TF: variants seen among roughly 807,000 people sequenced by gnomAD.
The protein encoded by TF is transferrin.
TF carries 55 observed loss-of-function variants against 82.4 expected under a neutral mutation model. The ratio of observed to expected loss-of-function variants is 0.67; its 90% confidence interval spans 0.54 to 0.84. The LOEUF (loss-of-function observed/expected upper bound fraction) is 0.84. TF is among the 40% of genes least tolerant of loss of function. TF has a pLI of 0.00. For missense variants in TF, 737 were observed against 868.4 expected (o/e 0.85, Z 1.90); for synonymous variants, 332 against 332.6 (o/e 1.00, Z 0.02).
the TF span, among the ~76,000 whole-genome samples, chr3:133,698,259 G>A: frequency 6.6e-6 from 1 of 152,284 alleles, no homozygotes; most frequent in Non-Finnish European, 1.5e-5. Context: ...TTCTGTTGTT[G>A]CTTTATTTGT....
the TF span, among the ~76,000 whole-genome samples, chr3:133,692,242 G>A: frequency 2.6e-5 from 4 of 152,218 alleles, no homozygotes; most frequent in Non-Finnish European, 4.4e-5. Context: ...AGGTTTGGGG[G>A]AGTCTAAGAA....
the TF span, among the ~76,000 whole-genome samples, chr3:133,685,499 C>G: frequency 6.6e-6 from 1 of 152,182 alleles, no homozygotes; most frequent in African/African-American, 2.4e-5. Context: ...GCAACTTCAG[C>G]AAAGTCTCAG....
rs1440991903 is a variant in TF, at chr3:133,784,259, T to C, written c.*5639T>C. On this transcript the variant is annotated 3_prime_UTR_variant, in exon 17 of 17. Coordinates refer to ENST00000402696, the MANE Select transcript of TF (RefSeq NM_001063.4). Reference sequence around the variant, plus strand: ...GAAGTGTAAGAATAACTTGCGCCATTAGGCCCATCGGAAAGGCCCACCACC... The same window carrying C: ...GAAGTGTAAGAATAACTTGCGCCATCAGGCCCATCGGAAAGGCCCACCACC... 1 of 152,134 alleles carries C rather than the reference T, an allele frequency of 6.6e-6. No individual in the cohort carries two copies. Among genetic ancestry groups the C allele is most frequent in the African/African-American group, 2.4e-5 (1 of 41,412 alleles). 9.4% of individuals were successfully genotyped at this position (152,134 alleles called of 1,614,324 possible).
chr3:133,703,208 A>G, the TF span, among the ~76,000 whole-genome samples: 2 of 152,196 alleles, frequency 1.3e-5, no homozygotes, highest in Admixed American at 1.3e-4. Context: ...AATGGTAACT[A>G]ATTTTTCTGG....
chr3:133,770,744 A>G, intron 14 of TF, 172 bp downstream of exon 14: 2 of 808,158 alleles, frequency 2.5e-6, no homozygotes, highest in East Asian at 5.3e-5. Context: ...AGTGCGCAGA[A>G]TGATCAGGAT....
At chr3:133,721,221 G>A in the TF span, among the ~76,000 whole-genome samples, 20 of 152,210 alleles carry the variant, frequency 1.3e-4, no homozygotes, top group Non-Finnish European at 1.5e-5. Context: ...TGATGTAGAT[G>A]TTTATTGCTA....
chr3:133,695,785 C>T, the TF span, among the ~76,000 whole-genome samples: 1 of 152,132 alleles, frequency 6.6e-6, no homozygotes, highest in Non-Finnish European at 1.5e-5. Flanking sequence ...GGGGCCATTA[C>T]TAAGTAAAAT....
chr3:133,713,186 G>A, the TF span, among the ~76,000 whole-genome samples: 10 of 152,220 alleles, frequency 6.6e-5, no homozygotes, highest in African/African-American at 2.4e-4. Context: ...TGGCTGGTAA[G>A]TATATTTTAA....
chr3:133,722,765 A>G, the TF span, among the ~76,000 whole-genome samples: 1 of 152,186 alleles, frequency 6.6e-6, no homozygotes, highest in Non-Finnish European at 1.5e-5. Flanking sequence ...TTTTTTAACC[A>G]TTTAACTTTA....
chr3:133,677,827 G>A, the TF span, among the ~76,000 whole-genome samples: 15,179 of 151,948 alleles, frequency 0.1, 945 homozygotes, highest in Non-Finnish European at 0.14. Context: ...GGGACTACAG[G>A]TGTGCATCAC....
At chr3:133,675,098 A>G in the TF span, among the ~76,000 whole-genome samples, 1 of 151,838 alleles carries the variant, frequency 6.6e-6, no homozygotes, top group Admixed American at 6.6e-5. Flanking sequence ...TACAAAAATT[A>G]GCCGGGTGTG....
the TF span, among the ~76,000 whole-genome samples, chr3:133,730,810 C>A: frequency 6.6e-6 from 1 of 152,172 alleles, no homozygotes; most frequent in Non-Finnish European, 1.5e-5. Flanking sequence ...TTCAGTGATT[C>A]TTCTGTGACC....
At chr3:133,669,500 G>T in the TF span, among the ~76,000 whole-genome samples, 1 of 152,176 alleles carries the variant, frequency 6.6e-6, no homozygotes, top group African/African-American at 2.4e-5. Context: ...TTTACAATTG[G>T]TGGGGTCATG....
upstream of TF, among the ~76,000 whole-genome samples, chr3:133,743,496 A>G (rs1933432548): frequency 6.6e-6 from 1 of 152,056 alleles, no homozygotes; most frequent in Non-Finnish European, 1.5e-5. Context: ...TGGGAGAGGC[A>G]GTGTCCCTGG....
At position 133,764,906 on chromosome 3, in the gene TF, A is replaced by C; in HGVS notation, c.1329A>C (p.Ala443=). 6.2e-7 allele frequency: 1 copy of C among 1,614,004 alleles called. No individual in the cohort carries two copies. Among genetic ancestry groups the C allele is most frequent in the South Asian group, 1.1e-5 (1 of 91,078 alleles). The change falls in exon 11 of 17, where the codon GCA becomes GCC. Residue 443 remains alanine (A), a splice_region_variant and synonymous_variant. Transcript: ENST00000402696. ...KSDNCEDTPE[A]GYFAIAVVKK... Reference sequence around the variant, plus strand: ...ATAATTGTGAGGATACACCAGAGGCAGGTGAGTTTGAATTGGTAACCTCTG... The same window carrying C: ...ATAATTGTGAGGATACACCAGAGGCCGGTGAGTTTGAATTGGTAACCTCTG...
the TF span, among the ~76,000 whole-genome samples, chr3:133,672,854 AT>A: frequency 1.3e-5 from 2 of 152,178 alleles, no homozygotes; most frequent in African/African-American, 4.8e-5. Context: ...AGTTTACCAC[AT>A]TAATATAAAA....
In TF at chr3:133,777,148, G is replaced by A; in HGVS notation, c.1972G>A (p.Ala658Thr). 1 of 1,614,134 alleles carries A rather than the reference G, an allele frequency of 6.2e-7. No individual in the cohort carries two copies. The highest frequency in any genetic ancestry group is 2.2e-5 in the East Asian group (1 of 44,882). The change falls in exon 16 of 17, where the codon GCC becomes ACC. Residue 658 changes from alanine (A) to threonine (T), a missense_variant. Coordinates refer to ENST00000402696, the MANE Select transcript of TF (RefSeq NM_001063.4). ...LLFRDDTVCLAKLHDRNTYEK... is the reference protein window; with the variant it reads ...LLFRDDTVCLTKLHDRNTYEK... ...GTTCAGAGATGACACAGTATGTTTG[G>A]CCAAACTTCATGACAGAAACACATA...
chr3:133,751,547 G>C (rs1933668776), intron 2 of TF, among the ~76,000 whole-genome samples: 1 of 152,104 alleles, frequency 6.6e-6, no homozygotes, highest in South Asian at 2.1e-4. Context: ...ACAGAAAGTA[G>C]CATAATGACT....
At chr3:133,693,873 G>C in the TF span, among the ~76,000 whole-genome samples, 1 of 152,250 alleles carries the variant, frequency 6.6e-6, no homozygotes, top group Non-Finnish European at 1.5e-5. Flanking sequence ...AATTAGCAGA[G>C]CTGCGTGCCA....
Sources: allele counts gnomAD v4.1 joint callset (sites outside exome capture counted in the v4.1 genomes callset), GRCh38; gene constraint gnomAD v4.1.1; transcripts MANE v1.5; gene names NCBI Gene and HGNC (gene_info 2026-07-23, HGNC 2026-07-21).